The following TNFSF12 variants were observed in gnomAD, a reference collection of about 807,000 sequenced individuals.
The protein encoded by TNFSF12 is tumor necrosis factor ligand superfamily member 12.
Under a neutral mutation model 31.2 loss-of-function variants are expected in TNFSF12, and 16 were observed. The observed-to-expected ratio is 0.51, with a 90% CI of 0.35 to 0.78. The LOEUF is 0.78. Ranked by LOEUF, TNFSF12 falls within the 30% of genes least tolerant of loss-of-function variation. The pLI, the probability that TNFSF12 is intolerant of heterozygous loss-of-function variation, is 0.01. For synonymous variants in TNFSF12, 150 were observed against 151.4 expected, an observed-to-expected ratio of 0.99 and a Z score of 0.07; for missense variants, 324 against 338.8, an observed-to-expected ratio of 0.96 and a Z score of 0.34.
intron 5 of TNFSF12, among the ~76,000 whole-genome samples, chr17:7,555,753 CT>C (rs1417747318): frequency 1.2e-4 from 18 of 152,112 alleles, no homozygotes; most frequent in African/African-American, 4.1e-4. Context: ...GAATATCCCC[CT>C]GGTGGCAAAA....
chr17:7,553,823 C>G lies in TNFSF12; in HGVS notation c.373+2845C>G. 4 of 1,128,130 alleles carry G rather than the reference C, an allele frequency of 3.5e-6. 1 individual carries two copies. The South Asian group carries it at 5.9e-5, about 17-fold the overall frequency. The allele number at this position is 1,128,130 out of a possible 1,614,324, so 69.9% of individuals were successfully genotyped here. On this transcript the variant is annotated intron_variant, in intron 5 of 6. Coordinates refer to ENST00000293825, the MANE Select transcript of TNFSF12 (RefSeq NM_003809.3). ...AGAGGGTCAAAGGAGAACAAGAGAC[C>G]AGGTGGGTTTGTAGATTTGCTGGGG...
chr17:7,553,710 G>C, intron 5 of TNFSF12: 1 of 1,292,308 alleles, frequency 7.7e-7, no homozygotes, highest in Non-Finnish European at 1.0e-6. Flanking sequence ...GGCTGGTGCA[G>C]GGGTGAGGGG....
At chr17:7,551,007 G>T (rs957701168) in intron 5 of TNFSF12, 29 bp downstream of exon 5, 8 of 1,612,704 alleles carry the variant, frequency 5.0e-6, no homozygotes, top group Non-Finnish European at 6.8e-6. Context: ...ACACAGCACT[G>T]GCCTCCTGGG....
At position 7,557,554 on chromosome 17, in the gene TNFSF12, C is replaced by T; in HGVS notation, c.*204C>T. The T allele has an allele frequency of 1.4e-6, 1 of 699,462 alleles. No individual in the cohort carries two copies. The highest frequency in any genetic ancestry group is 1.8e-5 in the African/African-American group (1 of 56,014). 43.3% of individuals were successfully genotyped at this position (699,462 alleles called of 1,614,324 possible). On this transcript the variant is annotated 3_prime_UTR_variant, in exon 7 of 7. Transcript: ENST00000293825. This position sits in a 1 kb window ranked among gnomAD's most constrained non-coding sequence, Gnocchi z 5.2. ...TCTTATCTTACAACTCCCCCACCGC[C>T]CACTCTCCACCTCACTAGCTCCCCA...
At position 7,550,081 on chromosome 17, in the gene TNFSF12, C is replaced by T. The variant is rs1286503803; in HGVS notation, c.208-39C>T. The T allele has an allele frequency of 6.2e-7, 1 of 1,613,964 alleles. No homozygotes were observed. The highest frequency in any genetic ancestry group is 1.3e-5 in the African/African-American group (1 of 74,988). ...GCCCCGTATGTCTCACTTTATATCT[C>T]TGGGAGTCTGTGGTTGAACCCTGCC... On this transcript the variant is annotated intron_variant, in intron 2 of 6. Coordinates refer to ENST00000293825, the MANE Select transcript of TNFSF12 (RefSeq NM_003809.3). The surrounding 1 kb of genome is among the most constrained non-coding windows in gnomAD (Gnocchi z 4.4).
In TNFSF12 at chr17:7,549,597, A is replaced by C. The variant is rs1057269782; in HGVS notation, c.207+76A>C. ...CACAGCCGAGGCTGCAGGTGTGTGC[A>C]GCTGTGCCAGCCGTACTCGAGGTGT... On this transcript the variant is annotated intron_variant, in intron 2 of 6. Transcript: ENST00000293825. The surrounding 1 kb of genome is among the most constrained non-coding windows in gnomAD (Gnocchi z 4.1). The C allele has an allele frequency of 7.6e-6, 11 of 1,452,754 alleles. No individual in the cohort carries two copies. The African/African-American group carries it at 1.6e-4, about 21-fold the overall frequency. 90.0% of individuals were successfully genotyped at this position (1,452,754 alleles called of 1,614,324 possible). A position where few individuals can be genotyped will look rare whatever the true frequency, so the allele number is the denominator to read the frequency against.
chr17:7,550,324 A>G lies in TNFSF12; in HGVS notation c.283+129A>G. ...AGCTAACCAGCCAAGACTCAAACCT[A>G]GGGATTCTCGCCCTCCTCTGAAGCT... On this transcript the variant is annotated intron_variant, in intron 3 of 6. Transcript: ENST00000293825. The surrounding 1 kb of genome is among the most constrained non-coding windows in gnomAD (Gnocchi z 4.4). 1.4e-6 allele frequency: 2 copies of G among 1,414,386 alleles called. No individual in the cohort carries two copies. The highest frequency in any genetic ancestry group is 1.9e-6 in the Non-Finnish European group (2 of 1,029,150). 87.6% of individuals were successfully genotyped at this position (1,414,386 alleles called of 1,614,324 possible).
chr17:7,549,839 A>G lies in TNFSF12; in HGVS notation c.208-281A>G. The stretch of plus-strand genomic sequence containing the variant: ...GGGTGTGTATCCTCTGTGCGTGGTG[A>G]CTGGGTGCGGGCATGTGTGCAATGT... On this transcript the variant is annotated intron_variant, in intron 2 of 6. Coordinates refer to ENST00000293825, the MANE Select transcript of TNFSF12 (RefSeq NM_003809.3). This position sits in a 1 kb window ranked among gnomAD's most constrained non-coding sequence, Gnocchi z 4.1. 1.7e-6 allele frequency: 1 copy of G among 605,020 alleles called. No homozygotes were observed. Among genetic ancestry groups the G allele is most frequent in the Non-Finnish European group, 2.9e-6 (1 of 344,322 alleles). The allele number at this position is 605,020 out of a possible 1,614,324, so 37.5% of individuals were successfully genotyped here.
At chr17:7,554,000 C>T (rs906433597) in intron 5 of TNFSF12, among the ~76,000 whole-genome samples, 11 of 152,178 alleles carry the variant, frequency 7.2e-5, no homozygotes, top group African/African-American at 1.7e-4. Flanking sequence ...CCAGGCAGGA[C>T]GGAATGTCCA....
rs878880446 is a variant in TNFSF12 at position 7,550,710 on chromosome 17, G to A, written c.284-89G>A. On this transcript the variant is annotated intron_variant, in intron 3 of 6. Transcript: ENST00000293825. The surrounding 1 kb of genome is among the most constrained non-coding windows in gnomAD (Gnocchi z 4.4). ...GTCTGGACAAGAATAAGGATGCCAG[G>A]GTTCCTGAGAGGGGAATGGGGCTGG... 2.6e-6 allele frequency: 4 copies of A among 1,542,532 alleles called. No individual in the cohort carries two copies. Among genetic ancestry groups the A allele is most frequent in the Non-Finnish European group, 3.5e-6 (4 of 1,135,636 alleles).
intron 5 of TNFSF12, among the ~76,000 whole-genome samples, chr17:7,551,896 C>A (rs112107654): frequency 5.1e-4 from 77 of 152,166 alleles, no homozygotes; most frequent in African/African-American, 1.7e-3. Flanking sequence ...CAAGAGATTC[C>A]CGTCTCAGCC....
chr17:7,553,666 GTGTAC>G, intron 5 of TNFSF12: 2 of 1,304,136 alleles, frequency 1.5e-6, no homozygotes, highest in Non-Finnish European at 2.0e-6. Context: ...GAATGTGCCT[GTGTAC>G]TGGACATGGT....
rs1213949644 is a variant in TNFSF12, at chr17:7,550,782, C to T, written c.284-17C>T. ...ACTAGGGCCCGCTTTGCTCATCTGTCTTTCCTTGATCCTCAGCACCTAAAG... is the reference window on the plus strand; with the variant it reads ...ACTAGGGCCCGCTTTGCTCATCTGTTTTTCCTTGATCCTCAGCACCTAAAG... On this transcript the variant is annotated splice_polypyrimidine_tract_variant and intron_variant, in intron 3 of 6. Transcript: ENST00000293825. This position sits in a 1 kb window ranked among gnomAD's most constrained non-coding sequence, Gnocchi z 4.4. The T allele has an allele frequency of 6.2e-7, 1 of 1,607,102 alleles. No individual in the cohort carries two copies. The highest frequency in any genetic ancestry group is 1.1e-5 in the South Asian group (1 of 90,854).
rs2070979711 is a variant in TNFSF12 at position 7,549,819 on chromosome 17, T to C, written c.207+298T>C. ...GAGGGGTGCGGTTGTGTACAGGGTG[T>C]GTATCCTCTGTGCGTGGTGACTGGG... On this transcript the variant is annotated intron_variant, in intron 2 of 6. Transcript: ENST00000293825. The surrounding 1 kb of genome is among the most constrained non-coding windows in gnomAD (Gnocchi z 4.1). 1.7e-6 allele frequency: 1 copy of C among 605,452 alleles called. No individual in the cohort carries two copies. Among genetic ancestry groups the C allele is most frequent in the Non-Finnish European group, 2.9e-6 (1 of 344,932 alleles). The allele number at this position is 605,452 out of a possible 1,614,324, so 37.5% of individuals were successfully genotyped here.
chr17:7,556,963 G>C, intron 6 of TNFSF12, 61 bp downstream of exon 6: 1 of 1,519,200 alleles, frequency 6.6e-7, no homozygotes, highest in Non-Finnish European at 8.9e-7. Flanking sequence ...TTTGCCAGGA[G>C]AGTGGGGGAC....
chr17:7,549,287 G>A lies in TNFSF12; in HGVS notation c.134G>A (p.Gly45Glu), dbSNP rs2070971132. ...LGLLLAVVSL[G>E]SRASLSAQEP... ...CTCCTGCTGGCCGTGGTCAGTTTGG[G>A]GAGCCGGGCATCGCTGTCCGCCCAG... The change falls in exon 1 of 7, where the codon GGG (glycine) becomes GAG (glutamate). Residue 45 changes from glycine (G) to glutamate (E), a missense_variant. By Grantham distance (98) the Gly-to-Glu change is moderately conservative. Coordinates refer to ENST00000293825, the MANE Select transcript of TNFSF12 (RefSeq NM_003809.3). This position sits in a 1 kb window ranked among gnomAD's most constrained non-coding sequence, Gnocchi z 4.1. The A allele has an allele frequency of 4.3e-6, 6 of 1,397,774 alleles. No homozygotes were observed. The highest frequency in any genetic ancestry group is 1.5e-5 in the African/African-American group (1 of 67,040). The allele number at this position is 1,397,774 out of a possible 1,614,324, so 86.6% of individuals were successfully genotyped here.
At chr17:7,556,201 G>T (rs188466357) in intron 5 of TNFSF12, among the ~76,000 whole-genome samples, 1 of 151,852 alleles carries the variant, frequency 6.6e-6, no homozygotes, top group African/African-American at 2.4e-5. Flanking sequence ...GGCTGGTCTC[G>T]AACTCCCGAC....
chr17:7,557,320 C>T lies in TNFSF12; in HGVS notation c.720C>T (p.Leu240=). 6.2e-7 allele frequency: 1 copy of T among 1,610,238 alleles called. No individual in the cohort carries two copies. The highest frequency in any genetic ancestry group is 1.1e-5 in the South Asian group (1 of 90,700). Residue 240 remains leucine (L), a synonymous_variant, in exon 7 of 7, where the codon CTC becomes CTT. Coordinates refer to ENST00000293825, the MANE Select transcript of TNFSF12 (RefSeq NM_003809.3). The surrounding 1 kb of genome is among the most constrained non-coding windows in gnomAD (Gnocchi z 5.2). ...CCCATCTCAAGGCTGCCCCCTTCCT[C>T]ACCTACTTCGGACTCTTCCAGGTTC... ...PWAHLKAAPF[L]TYFGLFQVH
chr17:7,549,600 T>C lies in TNFSF12; in HGVS notation c.207+79T>C. On this transcript the variant is annotated intron_variant, in intron 2 of 6. Coordinates refer to ENST00000293825, the MANE Select transcript of TNFSF12 (RefSeq NM_003809.3). The surrounding 1 kb of genome is among the most constrained non-coding windows in gnomAD (Gnocchi z 4.1). The stretch of plus-strand genomic sequence containing the variant: ...AGCCGAGGCTGCAGGTGTGTGCAGC[T>C]GTGCCAGCCGTACTCGAGGTGTGTG... 1 of 1,448,968 alleles carries C rather than the reference T, an allele frequency of 6.9e-7. No individual in the cohort carries two copies. The highest frequency in any genetic ancestry group is 9.1e-7 in the Non-Finnish European group (1 of 1,093,766). 89.8% of individuals were successfully genotyped at this position (1,448,968 alleles called of 1,614,324 possible).
Sources: allele counts gnomAD v4.1 joint callset (sites outside exome capture counted in the v4.1 genomes callset), GRCh38; gene constraint gnomAD v4.1.1; non-coding constraint Gnocchi (gnomAD v3.1); transcripts MANE v1.5; gene names NCBI Gene and HGNC (gene_info 2026-07-23, HGNC 2026-07-21).